Variants in LMBRD2 observed in about 807,000 individuals in gnomAD.
LMBRD2 encodes G protein-coupled receptor-associated protein LMBRD2.
LMBRD2 carries 55 observed loss-of-function variants against 94.4 expected under a neutral mutation model. The ratio of observed to expected loss-of-function variants is 0.58; its 90% confidence interval spans 0.47 to 0.73. The LOEUF is 0.73. LMBRD2 is among the 30% of genes least tolerant of loss of function. The probability of loss-of-function intolerance (pLI) is 0.00; values close to 1 mark genes in which losing one functional copy is unlikely to be tolerated. For synonymous variants in LMBRD2, 246 were observed against 272.4 expected, an observed-to-expected ratio of 0.90 and a Z score of 0.95; for missense variants, 640 against 831.9, an observed-to-expected ratio of 0.77 and a Z score of 2.84.
chr5:36,145,715 G>C (rs1172970235), intron 1 of LMBRD2, among the ~76,000 whole-genome samples: 1 of 152,128 alleles, frequency 6.6e-6, no homozygotes, highest in Admixed American at 6.5e-5. Context: ...AAATTGTCCA[G>C]TGCAAGGAAT....
rs965904825 is a variant in LMBRD2 at position 36,102,259 on chromosome 5, T to G, written c.*1787A>C. On this transcript the variant is annotated 3_prime_UTR_variant, in exon 18 of 18. Transcript: ENST00000296603. Reference sequence around the variant, plus strand: ...AAACACCAATTCAACTTCCTCACAATGGCTTTGTAAGGTAGATCAGCAGGT... The same window carrying G: ...AAACACCAATTCAACTTCCTCACAAGGGCTTTGTAAGGTAGATCAGCAGGT... 2.0e-5 allele frequency: 3 copies of G among 151,906 alleles called. No homozygotes were observed. The highest frequency in any genetic ancestry group is 6.6e-5 in the Admixed American group (1 of 15,238). The allele number at this position is 151,906 out of a possible 1,614,324, so 9.4% of individuals were successfully genotyped here. A position where few individuals can be genotyped will look rare whatever the true frequency, so the allele number is the denominator to read the frequency against.
chr5:36,127,868 C>T (rs1244921981), intron 6 of LMBRD2, among the ~76,000 whole-genome samples: 2 of 152,196 alleles, frequency 1.3e-5, no homozygotes, highest in African/African-American at 2.4e-5. Flanking sequence ...GGTGGCTTTG[C>T]CACCTGCTGA....
chr5:36,130,954 A>G (rs1744137740), intron 6 of LMBRD2, among the ~76,000 whole-genome samples: 1 of 152,176 alleles, frequency 6.6e-6, no homozygotes. Flanking sequence ...TCTGAAAAAC[A>G]GAGGAGGAGG....
intron 10 of LMBRD2, 61 bp from the exon 11 acceptor site, chr5:36,116,654 T>G (rs1743752143): frequency 1.0e-5 from 15 of 1,471,384 alleles, no homozygotes; most frequent in Middle Eastern, 1.8e-4. Context: ...CACTTAACAA[T>G]TACAGGCATT....
chr5:36,101,870 C>T lies in LMBRD2; in HGVS notation c.*2176G>A, dbSNP rs551685063. ...ATTTAATACTAAAGGAAAGTGGTAA[C>T]ATTACCTTACACGTTCCTACCAATT... is the stretch of plus-strand genomic sequence containing the variant. On this transcript the variant is annotated 3_prime_UTR_variant, in exon 18 of 18. Coordinates refer to ENST00000296603, the MANE Select transcript of LMBRD2 (RefSeq NM_001007527.2). 4 of 151,816 alleles carry T rather than the reference C, an allele frequency of 2.6e-5. No individual in the cohort carries two copies. The highest frequency in any genetic ancestry group is 4.4e-5 in the Non-Finnish European group (3 of 67,824). The allele number at this position is 151,816 out of a possible 1,614,324, so 9.4% of individuals were successfully genotyped here.
chr5:36,110,224 G>A (rs1040797820), intron 14 of LMBRD2, among the ~76,000 whole-genome samples: 1 of 152,016 alleles, frequency 6.6e-6, no homozygotes, highest in African/African-American at 2.4e-5. Context: ...CTTTAGGGAA[G>A]AAAGATTTCT....
intron 16 of LMBRD2, among the ~76,000 whole-genome samples, chr5:36,106,508 C>T (rs369959259): frequency 1.3e-4 from 17 of 132,850 alleles, no homozygotes; most frequent in African/African-American, 3.0e-4. Context: ...TTTTTTCTTT[C>T]GTTTTTTTTT....
intron 1 of LMBRD2, among the ~76,000 whole-genome samples, chr5:36,145,720 A>G (rs1006703619): frequency 1.3e-5 from 2 of 152,240 alleles, no homozygotes; most frequent in African/African-American, 4.8e-5. Flanking sequence ...GTCCAGTGCA[A>G]GGAATATGAC....
rs536861941 is a variant in LMBRD2 at position 36,115,172 on chromosome 5, AT to A, written c.1437-53del. On this transcript the variant is annotated intron_variant, in intron 11 of 17. Coordinates refer to ENST00000296603, the MANE Select transcript of LMBRD2 (RefSeq NM_001007527.2). ...TATAAAAAGTAAAGCAGCAAAATAC[AT>A]TTTATAGTATACTGAGATGTATTAA... 39 of 1,059,350 alleles carry A rather than the reference AT, an allele frequency of 3.7e-5. No homozygotes were observed. In the South Asian group the frequency reaches 5.2e-4, roughly 14 times the overall value. 65.6% of individuals were successfully genotyped at this position (1,059,350 alleles called of 1,614,324 possible).
intron 6 of LMBRD2, among the ~76,000 whole-genome samples, chr5:36,126,664 T>C (rs571364990): frequency 9.2e-5 from 14 of 152,338 alleles, no homozygotes; most frequent in African/African-American, 3.4e-4. Flanking sequence ...TGACATAGTT[T>C]ATAAGTTTTA....
At chr5:36,125,326 A>G (rs1466713700) in intron 6 of LMBRD2, among the ~76,000 whole-genome samples, 2 of 152,352 alleles carry the variant, frequency 1.3e-5, no homozygotes, top group East Asian at 3.9e-4. Flanking sequence ...TGGGGCATAG[A>G]GTAGAGCAGG....
intron 9 of LMBRD2, among the ~76,000 whole-genome samples, chr5:36,121,781 C>A (rs1220000788): frequency 6.6e-6 from 1 of 152,134 alleles, no homozygotes; most frequent in Non-Finnish European, 1.5e-5. Flanking sequence ...ATTATCTTTT[C>A]TATGTTTATA....
In LMBRD2 at chr5:36,141,127, C is replaced by T. The variant is rs1744399251; in HGVS notation, c.348G>A (p.Trp116Ter). 1.2e-6 allele frequency: 2 copies of T among 1,603,230 alleles called. No homozygotes were observed. Among genetic ancestry groups the T allele is most frequent in the Non-Finnish European group, 1.7e-6 (2 of 1,171,608 alleles). The part of the protein sequence containing the change: ...IMPIFWRVVY[W>*]TSQFLTWILL... ...CTTACCATGTTAAAAATTGTGACGT[C>T]CAATACACTACCCTCCAGAAAATTG... Residue 116 changes from tryptophan to a stop codon, truncating the protein, a stop_gained, in exon 4 of 18, where the codon TGG (tryptophan) becomes TGA (stop). Coordinates refer to ENST00000296603, the MANE Select transcript of LMBRD2 (RefSeq NM_001007527.2). LOFTEE classifies it high-confidence loss of function.
chr5:36,150,248 A>C (rs891821742), intron 1 of LMBRD2, among the ~76,000 whole-genome samples: 6 of 152,222 alleles, frequency 3.9e-5, no homozygotes, highest in African/African-American at 1.4e-4. Flanking sequence ...CAGATGTTGC[A>C]AGTATTCTAG....
Position 36,099,211 on chromosome 5 carries a change from T to C in LMBRD2, c.*4835A>G, listed in dbSNP as rs1743299505. 6.6e-6 allele frequency: 1 copy of C among 152,054 alleles called. No homozygotes were observed. Among genetic ancestry groups the C allele is most frequent in the African/African-American group, 2.4e-5 (1 of 41,412 alleles). The allele number at this position is 152,054 out of a possible 1,614,324, so 9.4% of individuals were successfully genotyped here. On this transcript the variant is annotated 3_prime_UTR_variant, in exon 18 of 18. Transcript: ENST00000296603. Reference sequence around the variant, plus strand: ...CTGGGCAGAACTTATTTGAGATAGATTTTAAAACTATTTAAAAGCAATACT... The same window carrying C: ...CTGGGCAGAACTTATTTGAGATAGACTTTAAAACTATTTAAAAGCAATACT...
intron 1 of LMBRD2, among the ~76,000 whole-genome samples, chr5:36,146,965 T>A (rs991191811): frequency 1.3e-5 from 2 of 151,762 alleles, no homozygotes; most frequent in Non-Finnish European, 2.9e-5. Context: ...TGTGTGTGTG[T>A]GTGTGTGTGT....
At chr5:36,141,068 G>T in intron 4 of LMBRD2, 39 bp downstream of exon 4, 3 of 1,135,008 alleles carry the variant, frequency 2.6e-6, no homozygotes, top group South Asian at 2.6e-5. Flanking sequence ...TATTCCTTTA[G>T]CCAAAATTTT....
At chr5:36,118,830 T>G (rs1053816532) in intron 9 of LMBRD2, among the ~76,000 whole-genome samples, 1 of 151,944 alleles carries the variant, frequency 6.6e-6, no homozygotes, top group African/African-American at 2.4e-5. Flanking sequence ...TTCTGTATTT[T>G]TATTAGACAC....
chr5:36,105,746 C>G (rs1038041384), intron 16 of LMBRD2, among the ~76,000 whole-genome samples: 4 of 152,154 alleles, frequency 2.6e-5, no homozygotes, highest in African/African-American at 2.4e-5. Context: ...TATTTAAACA[C>G]AATATATCCA....
Sources: allele counts gnomAD v4.1 joint callset (sites outside exome capture counted in the v4.1 genomes callset), GRCh38; gene constraint gnomAD v4.1.1; transcripts MANE v1.5; gene names NCBI Gene and HGNC (gene_info 2026-07-23, HGNC 2026-07-21).